Variants in NAALADL2 observed in about 807,000 individuals in gnomAD.
NAALADL2 encodes N-acetylated alpha-linked acidic dipeptidase like 2, also known as inactive N-acetylated-alpha-linked acidic dipeptidase-like protein 2.
NAALADL2 carries 76 observed loss-of-function variants against 87.2 expected under a neutral mutation model. The ratio of observed to expected loss-of-function variants is 0.87; its 90% CI spans 0.72 to 1.05. The LOEUF (loss-of-function observed/expected upper bound fraction) is 1.05. Among genes scored for constraint, NAALADL2 ranks in the 50% least tolerant of loss-of-function variants. The probability of loss-of-function intolerance (pLI) is 0.00; values close to 1 mark genes in which losing one functional copy is unlikely to be tolerated. For missense variants in NAALADL2, 1,089 were observed against 945.8 expected (o/e 1.15, Z -1.99); for synonymous variants, 354 against 331.0 (o/e 1.07, Z -0.75).
chr3:174,790,163 A>G (rs1441286669), intron 3 of NAALADL2, among the ~76,000 whole-genome samples: 2 of 152,122 alleles, frequency 1.3e-5, no homozygotes, highest in African/African-American at 4.8e-5. Flanking sequence ...TTGGTCTCCC[A>G]TTTCCTGGTG....
intron 9 of NAALADL2, among the ~76,000 whole-genome samples, chr3:175,514,113 G>A (rs573907660): frequency 1.3e-5 from 2 of 152,316 alleles, no homozygotes; most frequent in African/African-American, 4.8e-5. Flanking sequence ...GGGTTGTATA[G>A]GGTCATGGTT....
At chr3:174,721,641 T>G (rs1731723208) in intron 2 of NAALADL2, among the ~76,000 whole-genome samples, 1 of 152,184 alleles carries the variant, frequency 6.6e-6, no homozygotes, top group Non-Finnish European at 1.5e-5. Context: ...CTGAAACAAC[T>G]ATGTAAGCTA....
At chr3:175,762,771 A>G (rs181291170) in intron 13 of NAALADL2, among the ~76,000 whole-genome samples, 145 of 152,260 alleles carry the variant, frequency 9.5e-4, no homozygotes, top group African/African-American at 3.2e-3. Flanking sequence ...GAGGAGAGAC[A>G]TTAAATATGC....
chr3:174,501,077 ATTT>A (rs71624286), intron 1 of NAALADL2, among the ~76,000 whole-genome samples: 13 of 109,766 alleles, frequency 1.2e-4, no homozygotes, highest in South Asian at 3.1e-4. Context: ...ATAGGTCTCA[ATTT>A]TTTTTTTTTT....
intron 11 of NAALADL2, among the ~76,000 whole-genome samples, chr3:175,681,707 A>C (rs1413114417): frequency 6.6e-6 from 1 of 152,214 alleles, no homozygotes; most frequent in Non-Finnish European, 1.5e-5. Context: ...ACTGAAGAGT[A>C]ATACCAATAC....
chr3:174,582,333 C>G (rs1443355078), intron 2 of NAALADL2, among the ~76,000 whole-genome samples: 1 of 152,110 alleles, frequency 6.6e-6, no homozygotes, highest in Non-Finnish European at 1.5e-5. Flanking sequence ...ATATCTTATG[C>G]TGCAAAATAT....
At chr3:174,805,916 G>A (rs1048775929) in intron 3 of NAALADL2, among the ~76,000 whole-genome samples, 19 of 152,078 alleles carry the variant, frequency 1.2e-4, no homozygotes, top group East Asian at 9.7e-4. Flanking sequence ...TCTATATTAG[G>A]CCTGAATTAT....
chr3:175,353,128 G>T (rs1277159891), intron 5 of NAALADL2, among the ~76,000 whole-genome samples: 10 of 135,428 alleles, frequency 7.4e-5, no homozygotes, highest in African/African-American at 2.7e-4. Flanking sequence ...GTGTGTGTGT[G>T]TGTGTGTGTG....
At chr3:175,785,104 G>T (rs1362521444) in intron 13 of NAALADL2, among the ~76,000 whole-genome samples, 1 of 150,914 alleles carries the variant, frequency 6.6e-6, no homozygotes, top group South Asian at 2.1e-4. Flanking sequence ...TACATTTGCT[G>T]AGGAGAGCTT....
At chr3:175,175,033 T>C (rs532215142) in intron 2 of NAALADL2, among the ~76,000 whole-genome samples, 2 of 152,186 alleles carry the variant, frequency 1.3e-5, no homozygotes, top group East Asian at 3.9e-4. Context: ...TTTTCTCTTC[T>C]GTTTTTCGTT....
intron 2 of NAALADL2, among the ~76,000 whole-genome samples, chr3:175,120,376 T>C (rs901611414): frequency 4.0e-5 from 6 of 151,776 alleles, no homozygotes; most frequent in African/African-American, 1.4e-4. Flanking sequence ...GATTTCTAAA[T>C]AGTGTTTGTA....
At chr3:175,053,069 A>AT (rs1360405892) in intron 1 of NAALADL2, among the ~76,000 whole-genome samples, 2 of 152,168 alleles carry the variant, frequency 1.3e-5, no homozygotes, top group African/African-American at 2.4e-5. Context: ...AAGTACGTTC[A>AT]TTTTTTCTGA....
chr3:174,489,283 A>G (rs1403618115), intron 1 of NAALADL2, among the ~76,000 whole-genome samples: 1 of 152,036 alleles, frequency 6.6e-6, no homozygotes, highest in Non-Finnish European at 1.5e-5. Context: ...AGTAGATATC[A>G]ACATGCAGAG....
chr3:175,278,978 G>A (rs1411252427), intron 4 of NAALADL2, among the ~76,000 whole-genome samples: 1 of 152,094 alleles, frequency 6.6e-6, no homozygotes, highest in Non-Finnish European at 1.5e-5. Context: ...TGGTGTAATA[G>A]GTCTACATTC....
At chr3:174,661,365 A>G (rs1015166476) in intron 2 of NAALADL2, among the ~76,000 whole-genome samples, 1 of 152,186 alleles carries the variant, frequency 6.6e-6, no homozygotes, top group African/African-American at 2.4e-5. Context: ...TATGCAATTT[A>G]TTAATTATTC....
chr3:174,679,995 A>G (rs960475669), intron 2 of NAALADL2, among the ~76,000 whole-genome samples: 2 of 152,120 alleles, frequency 1.3e-5, no homozygotes, highest in Non-Finnish European at 2.9e-5. Context: ...TAGGCATATC[A>G]TTTGACTTAA....
intron 9 of NAALADL2, among the ~76,000 whole-genome samples, chr3:175,488,402 G>T (rs767837327): frequency 2.6e-5 from 4 of 152,226 alleles, no homozygotes; most frequent in Non-Finnish European, 4.4e-5. Context: ...GCATTACTCA[G>T]AAATAATTTC....
intron 1 of NAALADL2, among the ~76,000 whole-genome samples, chr3:174,909,486 G>C (rs1733403823): frequency 6.6e-6 from 1 of 152,118 alleles, no homozygotes; most frequent in African/African-American, 2.4e-5. Flanking sequence ...CTTTGAGGTA[G>C]ATACTAGTAA....
chr3:174,849,324 G>C (rs1382546686), intron 3 of NAALADL2, among the ~76,000 whole-genome samples: 1 of 151,990 alleles, frequency 6.6e-6, no homozygotes, highest in Non-Finnish European at 1.5e-5. Context: ...ATAACATTCA[G>C]CTTAAAACAC....
Sources: allele counts gnomAD v4.1 joint callset (sites outside exome capture counted in the v4.1 genomes callset), GRCh38; gene constraint gnomAD v4.1.1; transcripts MANE v1.5; gene names NCBI Gene and HGNC (gene_info 2026-07-23, HGNC 2026-07-21).